The following C4orf17 variants were observed in gnomAD, a reference collection of about 807,000 sequenced individuals.
C4orf17 encodes chromosome 4 open reading frame 17, also known as uncharacterized protein C4orf17.
C4orf17 carries 25 observed loss-of-function variants against 32.0 expected under a neutral mutation model. That is an observed-to-expected ratio of 0.78 (90% CI 0.57 to 1.09). The LOEUF is 1.09. Ranked by LOEUF, C4orf17 falls within the 50% of genes least tolerant of loss-of-function variation. The probability of loss-of-function intolerance (pLI) is 0.00; values close to 1 mark genes in which losing one functional copy is unlikely to be tolerated. For missense variants in C4orf17, 420 were observed against 420.0 expected (o/e 1.00, Z 0.00); for synonymous variants, 149 against 145.8 (o/e 1.02, Z -0.16).
intron 4 of C4orf17, among the ~76,000 whole-genome samples, chr4:99,526,024 C>T (rs1014934236): frequency 9.2e-5 from 14 of 152,116 alleles, no homozygotes; most frequent in Non-Finnish European, 1.5e-4. Flanking sequence ...TGGCTAGAAC[C>T]TCTAGTACAA....
At chr4:99,527,924 T>C (rs1401725624) in intron 4 of C4orf17, among the ~76,000 whole-genome samples, 1 of 152,246 alleles carries the variant, frequency 6.6e-6, no homozygotes, top group Non-Finnish European at 1.5e-5. Context: ...GTCTTCTTGA[T>C]AAAATGACCT....
chr4:99,537,079 G>A (rs1271609606), intron 5 of C4orf17, among the ~76,000 whole-genome samples: 1 of 152,040 alleles, frequency 6.6e-6, no homozygotes, highest in Non-Finnish European at 1.5e-5. Context: ...TGGCCTTCTT[G>A]GGGGGAGGTC....
At chr4:99,533,338 C>T (rs1723507388) in intron 5 of C4orf17, among the ~76,000 whole-genome samples, 1 of 152,144 alleles carries the variant, frequency 6.6e-6, no homozygotes, top group African/African-American at 2.4e-5. Flanking sequence ...CAACGCTTAA[C>T]CTCCTGCTGT....
rs557063308 is a variant in C4orf17, at chr4:99,528,003, A to G, written c.403-1812A>G. 2.3e-4 allele frequency among the ~76,000 whole-genome samples: 35 copies of G among 152,324 alleles called. 1 individual carries two copies. Among genetic ancestry groups the G allele is most frequent in the African/African-American group, 8.4e-4 (35 of 41,580 alleles). ...TTTGCTTTAAAATCTATTTTGTTAC[A>G]AAACTGTTCAGATTTTCTATTTCTC... On this transcript the variant is annotated intron_variant, in intron 4 of 8. Transcript: ENST00000326581.
chr4:99,529,998 C>A (rs771967190), intron 5 of C4orf17, 40 bp downstream of exon 5: 9 of 1,517,580 alleles, frequency 5.9e-6, no homozygotes, highest in Non-Finnish European at 8.0e-6. Flanking sequence ...TTGGAAACAG[C>A]ATGAATATAC....
chr4:99,522,550 G>A lies in C4orf17; in HGVS notation c.178G>A (p.Gly60Arg), dbSNP rs1232216949. 1 of 1,613,818 alleles carries A rather than the reference G, an allele frequency of 6.2e-7. No individual in the cohort carries two copies. Among genetic ancestry groups the A allele is most frequent in the African/African-American group, 1.3e-5 (1 of 74,846 alleles). The change falls in exon 3 of 9, where the codon GGA becomes AGA. Residue 60 changes from glycine (G) to arginine (R), a missense_variant. Transcript: ENST00000326581. ...CTVNDDENAF[G>R]TLWGVGQSNY... The stretch of plus-strand genomic sequence containing the variant: ...TGTGAATGATGATGAGAATGCATTT[G>A]GAACATTGTGGGGAGTTGGCCAGTC...
chr4:99,512,926 G>A (rs1010726619), intron 1 of C4orf17, 63 bp from the exon 2 acceptor site: 3 of 692,212 alleles, frequency 4.3e-6, no homozygotes, highest in South Asian at 2.0e-5. Flanking sequence ...ATGGAGAAAT[G>A]TTTGATATAT....
intron 2 of C4orf17, among the ~76,000 whole-genome samples, chr4:99,516,695 G>A (rs1008786203): frequency 1.3e-5 from 2 of 152,188 alleles, no homozygotes; most frequent in Admixed American, 6.5e-5. Flanking sequence ...CTGTTATGGG[G>A]CATGTGGGGA....
At chr4:99,522,800 G>T in intron 3 of C4orf17, 91 bp downstream of exon 3, 5 of 965,718 alleles carry the variant, frequency 5.2e-6, no homozygotes, top group Non-Finnish European at 7.7e-6. Context: ...TAGCTGCAGT[G>T]GTTTTTACAT....
In C4orf17 at chr4:99,534,329, C is replaced by T. The variant is rs993636806; in HGVS notation, c.547-3340C>T. 5.3e-5 allele frequency among the ~76,000 whole-genome samples: 8 copies of T among 152,198 alleles called. 1 individual carries two copies. The highest frequency in any genetic ancestry group is 4.1e-4 in the South Asian group (2 of 4,822). On this transcript the variant is annotated intron_variant, in intron 5 of 8. Coordinates refer to ENST00000326581, the MANE Select transcript of C4orf17 (RefSeq NM_032149.3). Reference sequence around the variant, plus strand: ...AAGACATGATCTTTTTTCATGGCTGCGTAGTATTCCATGGTGTATATGTAT... The same window carrying T: ...AAGACATGATCTTTTTTCATGGCTGTGTAGTATTCCATGGTGTATATGTAT...
chr4:99,529,755 T>C, intron 4 of C4orf17, 60 bp from the exon 5 acceptor site: 1 of 1,388,776 alleles, frequency 7.2e-7, no homozygotes, highest in Non-Finnish European at 9.7e-7. Context: ...TACATTGAAT[T>C]TTCATAGAAA....
At chr4:99,525,447 A>G (rs561877537) in intron 4 of C4orf17, among the ~76,000 whole-genome samples, 1 of 152,228 alleles carries the variant, frequency 6.6e-6, no homozygotes, top group East Asian at 1.9e-4. Context: ...CTTACTTGCC[A>G]TGTATATATC....
intron 3 of C4orf17, among the ~76,000 whole-genome samples, chr4:99,523,802 G>T (rs1723336813): frequency 6.6e-6 from 1 of 151,940 alleles, no homozygotes; most frequent in Non-Finnish European, 1.5e-5. Context: ...TATGAAATGG[G>T]TAGGGTTGAG....
chr4:99,524,172 G>A (rs1210252686), intron 3 of C4orf17, among the ~76,000 whole-genome samples: 1 of 151,828 alleles, frequency 6.6e-6, no homozygotes, highest in Non-Finnish European at 1.5e-5. Flanking sequence ...TAGTGGAGAT[G>A]GGACTTCACC....
chr4:99,515,740 T>C (rs1723170015), intron 2 of C4orf17, among the ~76,000 whole-genome samples: 2 of 150,950 alleles, frequency 1.3e-5, no homozygotes, highest in South Asian at 4.2e-4. Context: ...TAACCAAAAA[T>C]CACCTGTGTC....
At chr4:99,538,138 C>T (rs1723591067) in intron 6 of C4orf17, among the ~76,000 whole-genome samples, 2 of 152,206 alleles carry the variant, frequency 1.3e-5, no homozygotes, top group Admixed American at 6.5e-5. Context: ...GTAAGGAGAA[C>T]AGTAGAAGAG....
chr4:99,522,007 A>G (rs2110168015), intron 2 of C4orf17, among the ~76,000 whole-genome samples: 1 of 152,270 alleles, frequency 6.6e-6, no homozygotes, highest in Admixed American at 6.5e-5. Context: ...CCTGTCTCCT[A>G]TTTCCAGCTC....
intron 1 of C4orf17, among the ~76,000 whole-genome samples, chr4:99,512,543 C>T (rs899308273): frequency 1.3e-5 from 2 of 152,196 alleles, no homozygotes; most frequent in Admixed American, 6.5e-5. Flanking sequence ...AGATGATATA[C>T]ATTTTAAGAT....
rs534933920 is a variant in C4orf17 at position 99,540,280 on chromosome 4, T to TA, written c.837-124dup. The stretch of plus-strand genomic sequence containing the variant: ...GAAGTAAATTTAATACTGTATGCAT[T>TA]AAAAAAAACAAAGAATTGGGGTAGC... On this transcript the variant is annotated intron_variant, in intron 7 of 8. Transcript: ENST00000326581. 3.0e-3 allele frequency: 1,700 copies of TA among 557,460 alleles called. 1 individual carries two copies. Among genetic ancestry groups the TA allele is most frequent in the African/African-American group, 5.9e-3 (310 of 52,292 alleles). 34.5% of individuals were successfully genotyped at this position (557,460 alleles called of 1,614,324 possible).
Sources: allele counts gnomAD v4.1 joint callset (sites outside exome capture counted in the v4.1 genomes callset), GRCh38; gene constraint gnomAD v4.1.1; transcripts MANE v1.5; gene names NCBI Gene and HGNC (gene_info 2026-07-23, HGNC 2026-07-21).